Variants in TMEM132D observed in about 807,000 individuals in gnomAD.
TMEM132D encodes transmembrane protein 132D.
In TMEM132D, 21 loss-of-function variants were observed where a neutral mutation model predicts 62.3. The ratio of observed to expected loss-of-function variants is 0.34; its 90% confidence interval spans 0.24 to 0.49. The LOEUF is 0.49. TMEM132D is among the 20% of genes least tolerant of loss of function. TMEM132D has a pLI of 0.99. For synonymous variants in TMEM132D, 621 were observed against 575.6 expected, an observed-to-expected ratio of 1.08 and a Z score of -1.13; for missense variants, 1,346 against 1,402.8, an observed-to-expected ratio of 0.96 and a Z score of 0.65.
intron 3 of TMEM132D, among the ~76,000 whole-genome samples, chr12:129,487,530 G>C (rs1874620663): frequency 6.6e-6 from 1 of 152,112 alleles, no homozygotes; most frequent in Non-Finnish European, 1.5e-5. Context: ...ACTTCCTACA[G>C]AACCTGGTGA....
intron 2 of TMEM132D, among the ~76,000 whole-genome samples, chr12:129,571,355 G>A (rs1488985776): frequency 6.6e-6 from 1 of 152,156 alleles, no homozygotes; most frequent in Admixed American, 6.5e-5. Context: ...CATGAGGTCA[G>A]TAGTTCAAGA....
At chr12:129,627,173 C>T (rs570623319) in intron 2 of TMEM132D, among the ~76,000 whole-genome samples, 2 of 152,066 alleles carry the variant, frequency 1.3e-5, no homozygotes, top group Non-Finnish European at 1.5e-5. Flanking sequence ...TTCACCTGAC[C>T]TCCCCAAACA....
rs1875441586 is a variant in TMEM132D, at chr12:129,903,495, C to G, written c.-156G>C. On this transcript the variant is annotated 5_prime_UTR_variant, in exon 1 of 9. Coordinates refer to ENST00000422113, the MANE Select transcript of TMEM132D (RefSeq NM_133448.3). The surrounding 1 kb of genome is among the most constrained non-coding windows in gnomAD (Gnocchi z 6.2). ...CGGGCGCCCTGCTCCCTCTTCCCGC[C>G]AGTCCATGGCCAGGCCGGGAGGCGA... 1.4e-6 allele frequency: 1 copy of G among 706,270 alleles called. No individual in the cohort carries two copies. The highest frequency in any genetic ancestry group is 2.4e-6 in the Non-Finnish European group (1 of 424,708). The allele number at this position is 706,270 out of a possible 1,614,324, so 43.8% of individuals were successfully genotyped here. A position where few individuals can be genotyped will look rare whatever the true frequency, so the allele number is the denominator to read the frequency against.
At chr12:129,599,971 C>T (rs1233709405) in intron 2 of TMEM132D, among the ~76,000 whole-genome samples, 5 of 152,120 alleles carry the variant, frequency 3.3e-5, no homozygotes, top group Non-Finnish European at 7.3e-5. Flanking sequence ...GTGGCTGTGG[C>T]AATGTCTTAA....
intron 2 of TMEM132D, among the ~76,000 whole-genome samples, chr12:129,652,733 C>T (rs1381187310): frequency 2.0e-5 from 3 of 152,244 alleles, no homozygotes; most frequent in Non-Finnish European, 4.4e-5. Flanking sequence ...CTCCTTCACA[C>T]TTCTGATCCA....
chr12:129,720,329 C>G (rs977126251), intron 1 of TMEM132D, among the ~76,000 whole-genome samples: 2 of 152,238 alleles, frequency 1.3e-5, no homozygotes, highest in Non-Finnish European at 2.9e-5. Flanking sequence ...CATTCCCATT[C>G]TGACTGATTC....
At chr12:129,527,666 G>A (rs1876088010) in intron 3 of TMEM132D, among the ~76,000 whole-genome samples, 1 of 152,190 alleles carries the variant, frequency 6.6e-6, no homozygotes, top group Admixed American at 6.5e-5. Context: ...ACAAGGAAAT[G>A]AGAACATGTG....
chr12:129,764,429 A>G (rs2137277657), intron 1 of TMEM132D, among the ~76,000 whole-genome samples: 1 of 152,346 alleles, frequency 6.6e-6, no homozygotes, highest in South Asian at 2.1e-4. Flanking sequence ...AAAGAGCTTC[A>G]AAAATTACAG....
intron 4 of TMEM132D, among the ~76,000 whole-genome samples, chr12:129,313,174 T>TAG (rs1882023404): frequency 6.6e-6 from 1 of 152,168 alleles, no homozygotes; most frequent in Non-Finnish European, 1.5e-5. Context: ...TTATTTTATA[T>TAG]TTTATTTTTC....
intron 5 of TMEM132D, among the ~76,000 whole-genome samples, chr12:129,182,093 G>A (rs1481731497): frequency 6.6e-6 from 1 of 152,160 alleles, no homozygotes; most frequent in African/African-American, 2.4e-5. Flanking sequence ...CAGGCGCGGT[G>A]TCTCATGCCT....
intron 4 of TMEM132D, among the ~76,000 whole-genome samples, chr12:129,332,959 C>T (rs1327586550): frequency 6.6e-6 from 1 of 152,116 alleles, no homozygotes; most frequent in Non-Finnish European, 1.5e-5. Context: ...TGAGAAAATA[C>T]TTAACATTAC....
At chr12:129,121,981 G>A (rs1308380811) in intron 5 of TMEM132D, among the ~76,000 whole-genome samples, 1 of 152,154 alleles carries the variant, frequency 6.6e-6, no homozygotes, top group Admixed American at 6.5e-5. Flanking sequence ...AGGGAGACGA[G>A]ATGGATGGCA....
chr12:129,804,476 G>T (rs1363493209), intron 1 of TMEM132D, among the ~76,000 whole-genome samples: 1 of 150,334 alleles, frequency 6.7e-6, no homozygotes, highest in East Asian at 2.0e-4. Context: ...AAAGGCGTTT[G>T]ACAAAATTCA....
chr12:129,664,720 C>T (rs1483159912), intron 2 of TMEM132D, among the ~76,000 whole-genome samples: 8 of 152,062 alleles, frequency 5.3e-5, no homozygotes, highest in Non-Finnish European at 1.2e-4. Flanking sequence ...CCACTGCGGC[C>T]GGCCTAGAAG....
At chr12:129,103,022 A>T (rs748102059) in intron 5 of TMEM132D, among the ~76,000 whole-genome samples, 8 of 152,208 alleles carry the variant, frequency 5.3e-5, no homozygotes, top group Non-Finnish European at 8.8e-5. Context: ...CACATTTACG[A>T]AAGTAAACAT....
At chr12:129,769,022 T>C (rs1000042742) in intron 1 of TMEM132D, among the ~76,000 whole-genome samples, 1 of 152,170 alleles carries the variant, frequency 6.6e-6, no homozygotes, top group Non-Finnish European at 1.5e-5. Context: ...GATTGGTGCA[T>C]GTAGGCCAGC....
At position 129,453,332 on chromosome 12, in the gene TMEM132D, C is replaced by T. The variant is rs527854662; in HGVS notation, c.1115+77727G>A. Among the ~76,000 whole-genome samples the T allele has an allele frequency of 2.6e-5, 4 of 152,280 alleles. No individual in the cohort carries two copies. The South Asian group carries it at 8.3e-4, about 32-fold the overall frequency. ...TTGCAGCATGGGCTACTGGCTTTTG[C>T]GCAAGGTGTCTCTTTGCCTGGAATT... is the stretch of plus-strand genomic sequence containing the variant. On this transcript the variant is annotated intron_variant, in intron 3 of 8. Coordinates refer to ENST00000422113, the MANE Select transcript of TMEM132D (RefSeq NM_133448.3).
In TMEM132D at chr12:129,505,391, T is replaced by C. The variant is rs56020481; in HGVS notation, c.1115+25668A>G. Among the ~76,000 whole-genome samples, 490 of 152,094 alleles carry C rather than the reference T, an allele frequency of 3.2e-3. 2 individuals are homozygous for C. The highest frequency in any genetic ancestry group is 4.4e-3 in the Non-Finnish European group (300 of 67,972). ...CCAAGTAGCTGGGACTACAGGCGCC[T>C]GCCACCATGCCCGGCTAATTTTTTT... On this transcript the variant is annotated intron_variant, in intron 3 of 8. Transcript: ENST00000422113.
intron 3 of TMEM132D, among the ~76,000 whole-genome samples, chr12:129,389,140 A>G (rs1871227583): frequency 6.6e-6 from 1 of 151,924 alleles, no homozygotes; most frequent in Non-Finnish European, 1.5e-5. Context: ...ACCAACACGA[A>G]TCCTAATATA....
Sources: gnomAD v4.1 joint callset for allele counts (sites outside exome capture counted in the v4.1 genomes callset) on GRCh38, gnomAD v4.1.1 for gene constraint, Gnocchi (gnomAD v3.1) non-coding constraint, MANE v1.5 for transcripts, NCBI Gene and HGNC (gene_info 2026-07-23, HGNC 2026-07-21) for gene names.